GRID1: variants seen among roughly 807,000 people sequenced by gnomAD.
GRID1 encodes the protein glutamate receptor ionotropic, delta-1.
GRID1 carries 28 observed loss-of-function variants against 98.0 expected under a neutral mutation model. The observed-to-expected ratio is 0.29, with a 90% CI of 0.21 to 0.39. The LOEUF is 0.39. Ranked by LOEUF, GRID1 falls within the 10% of genes least tolerant of loss-of-function variation. The pLI is 1.00. For synonymous variants in GRID1, 553 were observed against 538.5 expected, an observed-to-expected ratio of 1.03 and a Z score of -0.37; for missense variants, 1,111 against 1,340.5, an observed-to-expected ratio of 0.83 and a Z score of 2.67.
intron 4 of GRID1, among the ~76,000 whole-genome samples, chr10:86,119,578 A>G (rs1844636260): frequency 6.6e-6 from 1 of 152,142 alleles, no homozygotes. Flanking sequence ...ATACACTTCT[A>G]AAATACTCCT....
At chr10:86,167,812 C>T (rs945609275) in intron 3 of GRID1, among the ~76,000 whole-genome samples, 1 of 152,194 alleles carries the variant, frequency 6.6e-6, no homozygotes, top group African/African-American at 2.4e-5. Flanking sequence ...GGGCAGCTAC[C>T]ACCTAGGATT....
At chr10:86,197,324 G>A (rs936491307) in intron 3 of GRID1, among the ~76,000 whole-genome samples, 12 of 152,106 alleles carry the variant, frequency 7.9e-5, no homozygotes, top group African/African-American at 2.9e-4. Flanking sequence ...TGCCGGGCAC[G>A]CTCATGGAGC....
chr10:85,913,904 G>A (rs940228239), intron 5 of GRID1, among the ~76,000 whole-genome samples: 1 of 152,224 alleles, frequency 6.6e-6, no homozygotes, highest in Admixed American at 6.5e-5. Flanking sequence ...CTCACATTTG[G>A]AGGAGGACAC....
At chr10:85,697,321 C>T (rs1189202474) in intron 12 of GRID1, among the ~76,000 whole-genome samples, 1 of 151,952 alleles carries the variant, frequency 6.6e-6, no homozygotes, top group African/African-American at 2.4e-5. Context: ...AATATTTAGA[C>T]ATGTTTTCTC....
At chr10:85,875,787 T>A (rs1284703426) in intron 5 of GRID1, among the ~76,000 whole-genome samples, 2 of 152,238 alleles carry the variant, frequency 1.3e-5, no homozygotes, top group African/African-American at 4.8e-5. Context: ...TTTAATTCAA[T>A]CTTTCTTTGT....
intron 4 of GRID1, among the ~76,000 whole-genome samples, chr10:86,094,806 C>A (rs544280671): frequency 6.6e-6 from 1 of 151,476 alleles, no homozygotes; most frequent in Non-Finnish European, 1.5e-5. Flanking sequence ...CATCAGAATA[C>A]CGCCATCGTT....
chr10:86,354,381 C>T (rs1163291058), intron 2 of GRID1, among the ~76,000 whole-genome samples: 1 of 152,196 alleles, frequency 6.6e-6, no homozygotes, highest in Admixed American at 6.5e-5. Flanking sequence ...GGCCGGGACA[C>T]AACAAGAACG....
intron 2 of GRID1, among the ~76,000 whole-genome samples, chr10:86,265,099 C>T (rs1253588557): frequency 1.3e-5 from 2 of 152,238 alleles, no homozygotes; most frequent in African/African-American, 4.8e-5. Flanking sequence ...CTCATCCTTT[C>T]TGAGCAGCTA....
At chr10:85,831,485 CA>C (rs1489030217) in intron 8 of GRID1, among the ~76,000 whole-genome samples, 1 of 151,950 alleles carries the variant, frequency 6.6e-6, no homozygotes, top group Non-Finnish European at 1.5e-5. Flanking sequence ...GGTAAATCCA[CA>C]ACCACAATAT....
intron 2 of GRID1, among the ~76,000 whole-genome samples, chr10:86,228,974 C>G (rs551812684): frequency 6.6e-6 from 1 of 152,268 alleles, no homozygotes; most frequent in Non-Finnish European, 1.5e-5. Context: ...CAGAGGCACC[C>G]TGAACAAGGG....
intron 3 of GRID1, among the ~76,000 whole-genome samples, chr10:86,198,243 T>A (rs1326599941): frequency 1.3e-5 from 2 of 152,128 alleles, no homozygotes; most frequent in Non-Finnish European, 2.9e-5. Flanking sequence ...GAGCCACCTG[T>A]GACTGTGCAA....
chr10:85,769,397 C>T (rs1198392125), intron 8 of GRID1, among the ~76,000 whole-genome samples: 4 of 152,290 alleles, frequency 2.6e-5, no homozygotes, highest in East Asian at 1.9e-4. Flanking sequence ...GCGTGAGCGA[C>T]ACAGAAGACG....
intron 2 of GRID1, 117 bp downstream of exon 2, chr10:86,363,824 T>A (rs985230240): frequency 7.8e-5 from 66 of 851,382 alleles, no homozygotes; most frequent in Non-Finnish European, 1.1e-4. Flanking sequence ...GCACCGCGGC[T>A]GCCGAGGAAC....
At chr10:86,307,471 T>C (rs541908398) in intron 2 of GRID1, among the ~76,000 whole-genome samples, 3 of 152,252 alleles carry the variant, frequency 2.0e-5, no homozygotes, top group East Asian at 3.9e-4. Context: ...CTCACTTATA[T>C]GTGGAAATCT....
chr10:85,981,373 C>T (rs1038854273), intron 4 of GRID1, among the ~76,000 whole-genome samples: 5 of 152,176 alleles, frequency 3.3e-5, no homozygotes, highest in African/African-American at 9.7e-5. Flanking sequence ...GAAAAGCCTT[C>T]GCAGATCATC....
chr10:85,999,539 G>C (rs915878296), intron 4 of GRID1, among the ~76,000 whole-genome samples: 3 of 152,098 alleles, frequency 2.0e-5, no homozygotes, highest in African/African-American at 7.2e-5. Context: ...TATCCCTCAT[G>C]AACATAGATA....
At chr10:85,992,135 G>A (rs933806794) in intron 4 of GRID1, among the ~76,000 whole-genome samples, 56 of 152,156 alleles carry the variant, frequency 3.7e-4, no homozygotes, top group Non-Finnish European at 2.1e-4. Flanking sequence ...AGATGAGGGG[G>A]CTCCCATCTG....
At chr10:85,808,273 G>A (rs542377430) in intron 8 of GRID1, among the ~76,000 whole-genome samples, 6 of 152,194 alleles carry the variant, frequency 3.9e-5, no homozygotes, top group Non-Finnish European at 7.4e-5. Flanking sequence ...ACACAAGCAC[G>A]GAATGAGAGT....
intron 15 of GRID1, among the ~76,000 whole-genome samples, chr10:85,612,735 A>G (rs1488297524): frequency 1.4e-5 from 2 of 142,182 alleles, no homozygotes; most frequent in Non-Finnish European, 3.1e-5. Context: ...TTTATTTCAG[A>G]AAAAAAAAAA....
Sources: gnomAD v4.1 joint callset for allele counts (sites outside exome capture counted in the v4.1 genomes callset) on GRCh38, gnomAD v4.1.1 for gene constraint, MANE v1.5 for transcripts, NCBI Gene and HGNC (gene_info 2026-07-23, HGNC 2026-07-21) for gene names.